Variants in GABRE observed in about 807,000 individuals in gnomAD.
GABRE encodes the protein gamma-aminobutyric acid receptor subunit epsilon.
GABRE carries 20 observed loss-of-function variants against 31.0 expected under a neutral mutation model. That is an observed-to-expected ratio of 0.64 (90% CI 0.45 to 0.94). The LOEUF (loss-of-function observed/expected upper bound fraction) is 0.94. Among genes scored for constraint, GABRE ranks in the 40% least tolerant of loss-of-function variants. The probability of loss-of-function intolerance (pLI) is 0.00; values close to 1 mark genes in which losing one functional copy is unlikely to be tolerated. For missense variants in GABRE, 420 were observed against 410.7 expected (o/e 1.02, Z -0.20); for synonymous variants, 155 against 150.6 (o/e 1.03, Z -0.21).
chrX:151,968,441 C>T (rs1316129110), intron 3 of GABRE, among the ~76,000 whole-genome samples: 2 of 112,556 alleles, frequency 1.8e-5, no homozygotes, highest in African/African-American at 6.5e-5. Flanking sequence ...GCCAAAGCCT[C>T]ATGGTTTGGG....
intron 5 of GABRE, 52 bp downstream of exon 5, chrX:151,961,231 A>C: frequency 1.2e-6 from 1 of 821,777 alleles, no homozygotes; most frequent in Non-Finnish European, 1.8e-6. Flanking sequence ...GATGAGAAAA[A>C]GAAGGAGCCC....
At chrX:151,957,739 T>A (rs1934221571) in intron 6 of GABRE, 1 of 234,595 alleles carries the variant, frequency 4.3e-6, no homozygotes, top group South Asian at 4.8e-5. Context: ...AGGAAAACAA[T>A]ATATCTGGGG....
chrX:151,970,302 C>A lies in GABRE; in HGVS notation c.157G>T (p.Glu53Ter). 8.3e-7 allele frequency: 1 copy of A among 1,212,022 alleles called. No individual in the cohort carries two copies. Among genetic ancestry groups the A allele is most frequent in the Non-Finnish European group, 1.1e-6 (1 of 895,663 alleles). Residue 53 changes from glutamate to a stop codon, truncating the protein, a stop_gained, in exon 2 of 9, where the codon GAA becomes TAA. Transcript: ENST00000370328. LOFTEE classifies it high-confidence loss of function. ...QPLENQLLSEETKSTETETGS... is the reference protein window; with the variant it reads ...QPLENQLLSE ...GTCTCAGTCTCAGTTGACTTTGTTT[C>A]CTCAGAGAGGAGCTGATTTTCCAGA...
At chrX:151,962,336 T>G in intron 4 of GABRE, 87 bp downstream of exon 4, 10 of 817,295 alleles carry the variant, frequency 1.2e-5, no homozygotes, top group Non-Finnish European at 1.6e-5. Context: ...TCATTCAGGA[T>G]GAGATCTCTG....
Position 151,959,880 on chromosome X carries a change from GT to G in GABRE, c.742del (p.Thr248GlnfsTer3). On this transcript the variant is annotated frameshift_variant, in exon 6 of 9. Transcript: ENST00000370328. LOFTEE classifies it high-confidence loss of function. The stretch of plus-strand genomic sequence containing the variant: ...TATTTCAGTTTTGTTGCTCACTCCT[GT>G]AAAATCAAACTGGAAGAGCTTCCAG... ...NSWKLFQFDF[T>X]GVSNKTEIIT... 8.3e-7 allele frequency: 1 copy of G among 1,210,873 alleles called. No homozygotes were observed. Among genetic ancestry groups the G allele is most frequent in the Non-Finnish European group, 1.1e-6 (1 of 894,783 alleles).
rs1934132840 is a variant in GABRE, at chrX:151,955,512, G to A, written c.993C>T (p.Phe331=). Residue 331 remains phenylalanine (F), a synonymous_variant, in exon 8 of 9, where the codon TTC becomes TTT. Transcript: ENST00000370328. Reference sequence around the variant, plus strand: ...AGGCTGTGATATAGGAGACACGCGGGAAATTCTTACGAGAAAAGGTGCCCA... The same window carrying A: ...AGGCTGTGATATAGGAGACACGCGGAAAATTCTTACGAGAAAAGGTGCCCA... ...TTLGTFSRKN[F]PRVSYITALD... 8.3e-7 allele frequency: 1 copy of A among 1,211,974 alleles called. No homozygotes were observed. The highest frequency in any genetic ancestry group is 1.7e-5 in the African/African-American group (1 of 57,923).
chrX:151,958,547 T>C (rs771743904), intron 6 of GABRE: 1 of 371,738 alleles, frequency 2.7e-6, no homozygotes, highest in South Asian at 2.5e-5. Flanking sequence ...GCTTACCTAC[T>C]GTCATTGCTT....
intron 4 of GABRE, among the ~76,000 whole-genome samples, chrX:151,962,148 C>T (rs1015692751): frequency 8.9e-6 from 1 of 112,180 alleles, no homozygotes; most frequent in Non-Finnish European, 1.9e-5. Context: ...GTCATACTGG[C>T]ACATCCTAGT....
intron 6 of GABRE, chrX:151,958,917 A>G (rs1414766948): frequency 3.2e-6 from 1 of 308,403 alleles, no homozygotes; most frequent in Admixed American, 3.2e-5. Context: ...CCTCATCCAG[A>G]GACTGACTCA....
intron 1 of GABRE, chrX:151,972,262 T>C (rs1156820042): frequency 1.3e-6 from 1 of 753,806 alleles, no homozygotes; most frequent in African/African-American, 2.3e-5. Context: ...TACTTCCCAT[T>C]GTGGGCGAGG....
Position 151,974,446 on chromosome X carries a change from G to A in GABRE, c.56+124C>T, listed in dbSNP as rs111685931. 2,440 of 457,991 alleles carry A rather than the reference G, an allele frequency of 5.3e-3. 51 individuals carry two copies. The African/African-American group carries it at 0.055, about 10-fold the overall frequency. 37.7% of individuals were successfully genotyped at this position (457,991 alleles called of 1,213,427 possible). The stretch of plus-strand genomic sequence containing the variant: ...CGGGACTCGGCCAGCCCGCGGTAGG[G>A]CCGGGGCAAAGCGGGCGCGGGGCTC... On this transcript the variant is annotated intron_variant, in intron 1 of 8. Transcript: ENST00000370328.
rs977189301 is a variant in GABRE at position 151,954,149 on chromosome X, G to A, written c.*552C>T. ...TCTGCAGAGAAAGGGGTAGCAGGGA[G>A]AGAGAACTGAGAACATAATAATCTG... On this transcript the variant is annotated 3_prime_UTR_variant, in exon 9 of 9. Coordinates refer to ENST00000370328, the MANE Select transcript of GABRE (RefSeq NM_004961.4). The A allele has an allele frequency of 8.9e-6, 1 of 111,879 alleles. No homozygotes were observed. Among genetic ancestry groups the A allele is most frequent in the Admixed American group, 9.5e-5 (1 of 10,559 alleles). 9.2% of individuals were successfully genotyped at this position (111,879 alleles called of 1,213,427 possible).
intron 1 of GABRE, chrX:151,971,753 A>C (rs191407344): frequency 3.8e-3 from 422 of 112,487 alleles, no homozygotes; most frequent in Non-Finnish European, 5.5e-3. Context: ...TCCCATATTA[A>C]TCTGTGATAC....
chrX:151,969,800 G>C, intron 2 of GABRE, 64 bp from the exon 3 acceptor site: 4 of 1,175,929 alleles, frequency 3.4e-6, no homozygotes, highest in Non-Finnish European at 4.6e-6. Context: ...GGGGGAGGAA[G>C]TGGTCAGAGG....
intron 1 of GABRE, among the ~76,000 whole-genome samples, chrX:151,974,064 T>C (rs1004016351): frequency 3.6e-5 from 4 of 110,677 alleles, no homozygotes; most frequent in Admixed American, 1.9e-4. Flanking sequence ...TGGAACTCAG[T>C]AGGCACTCTT....
At chrX:151,962,402 G>A (rs927001159) in intron 4 of GABRE, 21 bp downstream of exon 4, 2 of 1,164,182 alleles carry the variant, frequency 1.7e-6, no homozygotes, top group Non-Finnish European at 2.3e-6. Context: ...CAGGAAGTGA[G>A]ACTCCAGAGG....
chrX:151,972,494 C>T, intron 1 of GABRE: 1 of 753,632 alleles, frequency 1.3e-6, no homozygotes, highest in Non-Finnish European at 1.6e-6. Context: ...TGAGCACTGC[C>T]AGACAGGACC....
intron 3 of GABRE, chrX:151,969,366 T>A: frequency 9.9e-6 from 2 of 201,034 alleles, no homozygotes; most frequent in Non-Finnish European, 1.8e-5. Flanking sequence ...CTTATGTCCA[T>A]ACAATAATTA....
In GABRE at chrX:151,955,066, C is replaced by A; in HGVS notation, c.1156G>T (p.Ala386Ser). 8.3e-7 allele frequency: 1 copy of A among 1,202,113 alleles called. No individual in the cohort carries two copies. Among genetic ancestry groups the A allele is most frequent in the Non-Finnish European group, 1.1e-6 (1 of 890,457 alleles). The change falls in exon 9 of 9, where the codon GCC becomes TCC. Residue 386 changes from alanine (A) to serine (S), a missense_variant. Coordinates refer to ENST00000370328, the MANE Select transcript of GABRE (RefSeq NM_004961.4). ...GAACGTGCACGGGTACGGGCATGGGCACGGCTATTGATACGAGGCTAAAAT... is the reference window on the plus strand; with the variant it reads ...GAACGTGCACGGGTACGGGCATGGGAACGGCTATTGATACGAGGCTAAAAT... ...KLRHPRINSR[A>S]HARTRARSRA...
Sources: allele counts gnomAD v4.1 joint callset (sites outside exome capture counted in the v4.1 genomes callset), GRCh38; gene constraint gnomAD v4.1.1; transcripts MANE v1.5; gene names NCBI Gene and HGNC (gene_info 2026-07-23, HGNC 2026-07-21).